ZNF142: variants seen among roughly 807,000 people sequenced by gnomAD.
The protein encoded by ZNF142 is zinc finger protein 142.
Under a neutral mutation model 132.1 loss-of-function variants are expected in ZNF142, and 96 were observed. The observed-to-expected ratio is 0.73, with a 90% CI of 0.62 to 0.86. The LOEUF is 0.86. Ranked by LOEUF, ZNF142 falls within the 40% of genes least tolerant of loss-of-function variation. The probability of loss-of-function intolerance (pLI) is 0.00; values close to 1 mark genes in which losing one functional copy is unlikely to be tolerated. For missense variants in ZNF142, 2,163 were observed against 2,336.2 expected (o/e 0.93, Z 1.53); for synonymous variants, 842 against 890.1 (o/e 0.95, Z 0.96).
Position 218,634,242 on chromosome 2 carries a change from G to A in ZNF142, c.*4097C>T, listed in dbSNP as rs373031497. ...GATGGGTGAGGAGGCAGCAGGGACTGGGAAGAGGGAGTGGAGGAGCAGCAG... is the reference window on the plus strand; with the variant it reads ...GATGGGTGAGGAGGCAGCAGGGACTAGGAAGAGGGAGTGGAGGAGCAGCAG... On this transcript the variant is annotated 3_prime_UTR_variant, in exon 11 of 11. Coordinates refer to ENST00000411696, the MANE Select transcript of ZNF142 (RefSeq NM_001379659.1). This position sits in a 1 kb window ranked among gnomAD's most constrained non-coding sequence, Gnocchi z 4.0. The A allele has an allele frequency of 2.5e-6, 4 of 1,599,226 alleles. No individual in the cohort carries two copies. Among genetic ancestry groups the A allele is most frequent in the African/African-American group, 1.3e-5 (1 of 74,598 alleles).
intron 8 of ZNF142, among the ~76,000 whole-genome samples, chr2:218,645,620 C>G (rs1638408604): frequency 6.6e-6 from 1 of 152,182 alleles, no homozygotes; most frequent in South Asian, 2.1e-4. Context: ...AGTCTCTAGG[C>G]CTATACTGTA....
chr2:218,652,835 C>T (rs1938135443), intron 4 of ZNF142, among the ~76,000 whole-genome samples: 2 of 152,132 alleles, frequency 1.3e-5, no homozygotes, highest in Admixed American at 6.6e-5. Context: ...TCATTTGGTC[C>T]TCCAACAGCC....
chr2:218,645,468 C>A (rs577344577), intron 8 of ZNF142, among the ~76,000 whole-genome samples: 4 of 152,314 alleles, frequency 2.6e-5, no homozygotes, highest in African/African-American at 7.2e-5. Context: ...CCCACAGAGG[C>A]ATGACAGGTC....
chr2:218,652,874 G>A (rs75120131), intron 4 of ZNF142, among the ~76,000 whole-genome samples: 1,885 of 152,120 alleles, frequency 0.012, 38 homozygotes, highest in African/African-American at 0.043. Flanking sequence ...GAGATTCTAC[G>A]AGATTAAGAC....
chr2:218,656,277 A>G lies in ZNF142; in HGVS notation c.153T>C (p.Pro51=). The change falls in exon 4 of 11, where the codon CCT becomes CCC. Residue 51 remains proline, a synonymous_variant. Coordinates refer to ENST00000411696, the MANE Select transcript of ZNF142 (RefSeq NM_001379659.1). ...QSPCPSRDPA[P]IPTEPGCLLV... Reference sequence around the variant, plus strand: ...GCAGGCAGCCTGGCTCAGTAGGTATAGGTGCAGGGTCCCGGGAAGGACAGG... The same window carrying G: ...GCAGGCAGCCTGGCTCAGTAGGTATGGGTGCAGGGTCCCGGGAAGGACAGG... 1 of 1,613,424 alleles carries G rather than the reference A, an allele frequency of 6.2e-7. No homozygotes were observed. The highest frequency in any genetic ancestry group is 1.1e-5 in the South Asian group (1 of 90,840).
Position 218,643,711 on chromosome 2 carries a change from T to C in ZNF142, c.3405A>G (p.Leu1135=), listed in dbSNP as rs761761553. The part of the protein sequence containing the change: ...KPPPASQEAE[L]LLPKDAPLEL... ...CCAAAGGAGCATCTTTTGGAAGCAG[T>C]AGCTCTGCTTCTTGTGATGCAGGTG... Residue 1135 remains leucine, a synonymous_variant, in exon 9 of 11, where the codon CTA becomes CTG. Transcript: ENST00000411696. 1 of 1,599,800 alleles carries C rather than the reference T, an allele frequency of 6.3e-7. No homozygotes were observed. Among genetic ancestry groups the C allele is most frequent in the Non-Finnish European group, 8.5e-7 (1 of 1,174,332 alleles).
Position 218,642,179 on chromosome 2 carries a change from T to C in ZNF142, c.4937A>G (p.His1646Arg), listed in dbSNP as rs768912226. The C allele has an allele frequency of 4.3e-6, 7 of 1,614,114 alleles. No homozygotes were observed. The African/African-American group carries it at 8.0e-5, about 18-fold the overall frequency. ...QLVLDHHVKGHGGTRLYKCTD... is the reference protein window; with the variant it reads ...QLVLDHHVKGRGGTRLYKCTD... ...GCACTTGTAGAGACGAGTGCCCCCA[T>C]GCCCTTTCACATGGTGATCTAGTAC... Residue 1646 changes from histidine to arginine, a missense_variant, in exon 9 of 11, where the codon CAT becomes CGT. Transcript: ENST00000411696. The surrounding 1 kb of genome is among the most constrained non-coding windows in gnomAD (Gnocchi z 4.6).
rs1358853155 is a variant in ZNF142 at position 218,635,539 on chromosome 2, A to T, written c.*2800T>A. Among the ~76,000 whole-genome samples, 1 of 152,026 alleles carries T rather than the reference A, an allele frequency of 6.6e-6. No homozygotes were observed. Among genetic ancestry groups the T allele is most frequent in the East Asian group, 1.9e-4 (1 of 5,192 alleles). ...TTTTTAGTAGAGATAGGGTTTCACC[A>T]TGTTGGCCAGGCTGGTCTCCTGGTT... On this transcript the variant is annotated 3_prime_UTR_variant, in exon 11 of 11. Transcript: ENST00000411696.
At position 218,643,135 on chromosome 2, in the gene ZNF142, G is replaced by A. The variant is rs772184893; in HGVS notation, c.3981C>T (p.Cys1327=). 5 of 1,614,000 alleles carry A rather than the reference G, an allele frequency of 3.1e-6. No homozygotes were observed. In the South Asian group the frequency reaches 5.5e-5, roughly 18 times the overall value. Residue 1327 remains cysteine, a synonymous_variant, in exon 9 of 11, where the codon TGC becomes TGT. Coordinates refer to ENST00000411696, the MANE Select transcript of ZNF142 (RefSeq NM_001379659.1). ...GCAGCTCTCCAGACTCCTCGAGGGG[G>A]CAGCCCCGGATCTGGTGAGTCCTCA... ...RALRTHQIRG[C]PLEESGELHC... is the part of the protein sequence containing the mutation.
chr2:218,636,122 G>A lies in ZNF142; in HGVS notation c.*2217C>T, dbSNP rs1018174078. ...TGGGCAAATTACTTGCTTACTCTGA[G>A]CCTTTTTCCTTACCTGTAAAATGCT... On this transcript the variant is annotated 3_prime_UTR_variant, in exon 11 of 11. Transcript: ENST00000411696. 24 of 1,388,908 alleles carry A rather than the reference G, an allele frequency of 1.7e-5. No individual in the cohort carries two copies. Among genetic ancestry groups the A allele is most frequent in the Non-Finnish European group, 2.4e-5 (24 of 999,010 alleles). The allele number at this position is 1,388,908 out of a possible 1,614,324, so 86.0% of individuals were successfully genotyped here. A position where few individuals can be genotyped will look rare whatever the true frequency, so the allele number is the denominator to read the frequency against.
At position 218,644,599 on chromosome 2, in the gene ZNF142, C is replaced by G; in HGVS notation, c.2517G>C (p.Gly839=). The change falls in exon 9 of 11, where the codon GGG becomes GGC. Residue 839 remains glycine, a synonymous_variant. Transcript: ENST00000411696. This position sits in a 1 kb window ranked among gnomAD's most constrained non-coding sequence, Gnocchi z 4.6. ...PSNQLSARPE[G]PGHEPGTVVD... is the part of the protein sequence containing the mutation. ...CCACAGTCCCAGGTTCGTGACCTGGCCCCTCAGGTCGGGCTGACAGCTGGT... is the reference window on the plus strand; with the variant it reads ...CCACAGTCCCAGGTTCGTGACCTGGGCCCTCAGGTCGGGCTGACAGCTGGT... 6.2e-7 allele frequency: 1 copy of G among 1,614,182 alleles called. No individual in the cohort carries two copies. The highest frequency in any genetic ancestry group is 2.2e-5 in the East Asian group (1 of 44,880).
chr2:218,647,743 C>T (rs1697870710), intron 7 of ZNF142, among the ~76,000 whole-genome samples: 1 of 152,222 alleles, frequency 6.6e-6, no homozygotes, highest in South Asian at 2.1e-4. Flanking sequence ...AAGACCCCTC[C>T]TTGTTGTCCC....
Position 218,634,482 on chromosome 2 carries a change from G to A in ZNF142, c.*3857C>T, listed in dbSNP as rs1435404407. On this transcript the variant is annotated 3_prime_UTR_variant, in exon 11 of 11. Coordinates refer to ENST00000411696, the MANE Select transcript of ZNF142 (RefSeq NM_001379659.1). The surrounding 1 kb of genome is among the most constrained non-coding windows in gnomAD (Gnocchi z 4.0). ...GTGGCCATGAATATGCAGACTGCAGGGCTTGAAATGGACATCTGTGATGGG... is the reference window on the plus strand; with the variant it reads ...GTGGCCATGAATATGCAGACTGCAGAGCTTGAAATGGACATCTGTGATGGG... 1 of 1,613,862 alleles carries A rather than the reference G, an allele frequency of 6.2e-7. No homozygotes were observed.
intron 7 of ZNF142, among the ~76,000 whole-genome samples, chr2:218,647,325 A>G (rs1697823025): frequency 6.7e-6 from 1 of 148,788 alleles, no homozygotes; most frequent in Admixed American, 6.9e-5. Context: ...CGGGAGGCTG[A>G]GGCAGGAGAA....
intron 7 of ZNF142, 68 bp downstream of exon 7, chr2:218,648,567 G>A: frequency 6.8e-7 from 1 of 1,471,904 alleles, no homozygotes; most frequent in Non-Finnish European, 9.3e-7. Flanking sequence ...ACGTATGCAA[G>A]ACCCTTTGTA....
rs751567582 is a variant in ZNF142, at chr2:218,642,745, G to T, written c.4371C>A (p.His1457Gln). 6 of 1,614,120 alleles carry T rather than the reference G, an allele frequency of 3.7e-6. No individual in the cohort carries two copies. The African/African-American group carries it at 6.7e-5, about 18-fold the overall frequency. ...RLRVHDKTPT[H>Q]FCPLCDYSGY... ...CACTATAGTCACAAAGTGGACAGAA[G>T]TGGGTAGGTGTTTTGTCATGTACCC... The change falls in exon 9 of 11, where the codon CAC (histidine) becomes CAA (glutamine). Residue 1457 changes from histidine to glutamine, a missense_variant. This residue lies in a region of ZNF142 where 809 missense variants were observed against 801.7 expected (regional missense o/e 1.01). Coordinates refer to ENST00000411696, the MANE Select transcript of ZNF142 (RefSeq NM_001379659.1). This position sits in a 1 kb window ranked among gnomAD's most constrained non-coding sequence, Gnocchi z 4.6.
intron 8 of ZNF142, 67 bp downstream of exon 8, chr2:218,646,104 A>G: frequency 6.4e-7 from 1 of 1,567,708 alleles, no homozygotes; most frequent in Admixed American, 1.7e-5. Context: ...CAGAAGTTAG[A>G]TCCGAGAGGA....
rs1445071599 is a variant in ZNF142 at position 218,644,990 on chromosome 2, C to A, written c.2126G>T (p.Gly709Val). 16 of 1,613,986 alleles carry A rather than the reference C, an allele frequency of 9.9e-6. No homozygotes were observed. Among genetic ancestry groups the A allele is most frequent in the Non-Finnish European group, 1.4e-5 (16 of 1,180,002 alleles). The change falls in exon 9 of 11, where the codon GGC becomes GTC. Residue 709 changes from glycine to valine, a missense_variant. By Grantham distance (109) the Gly-to-Val change is moderately radical. Coordinates refer to ENST00000411696, the MANE Select transcript of ZNF142 (RefSeq NM_001379659.1). This position sits in a 1 kb window ranked among gnomAD's most constrained non-coding sequence, Gnocchi z 4.6. ...ACACACCTCACACATCAGAGACTTGCCCTGATGCCGCAGCTTGTGGCTGCT... is the reference window on the plus strand; with the variant it reads ...ACACACCTCACACATCAGAGACTTGACCTGATGCCGCAGCTTGTGGCTGCT... ...QLSSHKLRHQ[G>V]KSLMCEVCAF...
In ZNF142 at chr2:218,651,959, T is replaced by C; in HGVS notation, c.622A>G (p.Lys208Glu). 2 of 997,490 alleles carry C rather than the reference T, an allele frequency of 2.0e-6. No homozygotes were observed. The highest frequency in any genetic ancestry group is 2.8e-6 in the Non-Finnish European group (2 of 721,662). 61.8% of individuals were successfully genotyped at this position (997,490 alleles called of 1,614,324 possible). The change falls in exon 5 of 11, where the codon AAG becomes GAG. Residue 208 changes from lysine (K) to glutamate (E), a missense_variant. Around this residue, in one of 7 missense-constraint regions of ZNF142, gnomAD observed 195 missense variants for 172.4 expected, o/e 1.13. Coordinates refer to ENST00000411696, the MANE Select transcript of ZNF142 (RefSeq NM_001379659.1). ...SGCVFSAEDR[K>E]GLQHHLRQTH... ...TGCCTCAGGTGGTGCTGCAGACCCT[T>C]GCGATCTTCAGCAGAGAACACACAG...
Sources: allele counts gnomAD v4.1 joint callset (sites outside exome capture counted in the v4.1 genomes callset), GRCh38; gene constraint gnomAD v4.1.1; regional missense constraint gnomAD v4.1.1; non-coding constraint Gnocchi (gnomAD v3.1); transcripts MANE v1.5; gene names NCBI Gene and HGNC (gene_info 2026-07-23, HGNC 2026-07-21).